CDH13: variants seen among roughly 807,000 people sequenced by gnomAD.
The protein encoded by CDH13 is cadherin-13.
Under a neutral mutation model 63.8 loss-of-function variants are expected in CDH13, and 24 were observed. That is an observed-to-expected ratio of 0.38 (90% CI 0.27 to 0.53). CDH13 has a LOEUF of 0.53. CDH13 is among the 20% of genes least tolerant of loss of function. The pLI, the probability that CDH13 is intolerant of heterozygous loss-of-function variation, is 0.85. For synonymous variants in CDH13, 503 were observed against 355.3 expected (o/e 1.42, Z -4.67); for missense variants, 1,049 against 903.1 (o/e 1.16, Z -2.07).
intron 4 of CDH13, among the ~76,000 whole-genome samples, chr16:83,144,415 G>C (rs1454850227): frequency 6.6e-6 from 1 of 152,220 alleles, no homozygotes; most frequent in Non-Finnish European, 1.5e-5. Flanking sequence ...ATAAGAAGCA[G>C]TAGTCCATTC....
chr16:83,260,683 A>C (rs752904009), intron 5 of CDH13, among the ~76,000 whole-genome samples: 2 of 152,150 alleles, frequency 1.3e-5, no homozygotes, highest in African/African-American at 2.4e-5. Flanking sequence ...GCAAAGTTGG[A>C]ACCTTGTGTT....
chr16:82,648,797 A>T (rs1051936811), intron 1 of CDH13, among the ~76,000 whole-genome samples: 1 of 152,320 alleles, frequency 6.6e-6, no homozygotes, highest in South Asian at 2.1e-4. Context: ...AGGTGGTAAG[A>T]CCCAGTGAAA....
At chr16:83,034,487 A>G (rs1916669358) in intron 3 of CDH13, among the ~76,000 whole-genome samples, 1 of 152,234 alleles carries the variant, frequency 6.6e-6, no homozygotes, top group Non-Finnish European at 1.5e-5. Context: ...TTACTTAGCC[A>G]TGACCAATGG....
At chr16:83,774,608 A>G (rs984921600) in intron 11 of CDH13, among the ~76,000 whole-genome samples, 1 of 152,218 alleles carries the variant, frequency 6.6e-6, no homozygotes, top group African/African-American at 2.4e-5. Context: ...TCCTGACCTC[A>G]AGTGATCTGC....
chr16:83,507,558 A>G (rs1296735099), intron 7 of CDH13, among the ~76,000 whole-genome samples: 1 of 152,232 alleles, frequency 6.6e-6, no homozygotes. Flanking sequence ...TAAAGAGCCC[A>G]GGAAACGTTT....
At chr16:83,041,598 T>C (rs1362353154) in intron 3 of CDH13, among the ~76,000 whole-genome samples, 2 of 152,234 alleles carry the variant, frequency 1.3e-5, no homozygotes, top group African/African-American at 2.4e-5. Flanking sequence ...AATTATTTGG[T>C]AAGTACCTTG....
intron 1 of CDH13, among the ~76,000 whole-genome samples, chr16:82,850,066 G>C (rs1412077944): frequency 6.6e-6 from 1 of 152,168 alleles, no homozygotes; most frequent in African/African-American, 2.4e-5. Context: ...GAATCCAGAA[G>C]AAATATTGAC....
intron 2 of CDH13, among the ~76,000 whole-genome samples, chr16:82,872,465 A>T (rs2040373146): frequency 6.6e-6 from 1 of 152,236 alleles, no homozygotes; most frequent in Non-Finnish European, 1.5e-5. Context: ...AATTTAAGGT[A>T]TTAGAACTAC....
chr16:83,679,285 C>A (rs2150872026), intron 10 of CDH13, among the ~76,000 whole-genome samples: 1 of 152,262 alleles, frequency 6.6e-6, no homozygotes, highest in Middle Eastern at 3.4e-3. Flanking sequence ...AATCAGCGTG[C>A]AGATCCAAAT....
intron 8 of CDH13, among the ~76,000 whole-genome samples, chr16:83,650,727 G>A (rs953400748): frequency 2.6e-5 from 4 of 152,094 alleles, no homozygotes; most frequent in South Asian, 2.1e-4. Context: ...CATTAGTGGC[G>A]AGGTCGAAAG....
At chr16:82,851,086 G>A (rs1433122575) in intron 1 of CDH13, among the ~76,000 whole-genome samples, 1 of 152,160 alleles carries the variant, frequency 6.6e-6, no homozygotes, top group Non-Finnish European at 1.5e-5. Flanking sequence ...AGGAGAATAT[G>A]TTGGGTAGCA....
intron 2 of CDH13, among the ~76,000 whole-genome samples, chr16:82,935,348 A>G (rs2042634835): frequency 6.6e-6 from 1 of 152,124 alleles, no homozygotes; most frequent in Non-Finnish European, 1.5e-5. Flanking sequence ...CCCTCCCCCA[A>G]CACGTGGGGA....
intron 2 of CDH13, among the ~76,000 whole-genome samples, chr16:82,936,670 G>A (rs959824584): frequency 1.3e-5 from 2 of 152,156 alleles, no homozygotes; most frequent in Admixed American, 6.6e-5. Context: ...ACTTTAGATC[G>A]TAACGTTCAT....
chr16:82,934,632 G>C (rs915062354), intron 2 of CDH13, among the ~76,000 whole-genome samples: 1 of 152,080 alleles, frequency 6.6e-6, no homozygotes, highest in Admixed American at 6.5e-5. Context: ...AAACTTATAT[G>C]CTCTGCTTCC....
chr16:83,765,555 C>G (rs1235122997), intron 11 of CDH13, among the ~76,000 whole-genome samples: 1 of 112,082 alleles, frequency 8.9e-6, no homozygotes, highest in African/African-American at 3.0e-5. Context: ...TATATATATA[C>G]ACACACACAA....
At chr16:83,346,248 T>C (rs2090837377) in intron 6 of CDH13, among the ~76,000 whole-genome samples, 2 of 152,006 alleles carry the variant, frequency 1.3e-5, no homozygotes, top group African/African-American at 4.8e-5. Context: ...AGAGGGCAGG[T>C]GAAGGGAGGT....
At chr16:83,301,769 A>G (rs1597701118) in intron 5 of CDH13, among the ~76,000 whole-genome samples, 2 of 151,972 alleles carry the variant, frequency 1.3e-5, no homozygotes, top group Admixed American at 6.5e-5. Flanking sequence ...AATTTACATC[A>G]TTTCCTGTAA....
chr16:83,589,714 A>T (rs1365904732), intron 7 of CDH13, among the ~76,000 whole-genome samples: 1 of 152,158 alleles, frequency 6.6e-6, no homozygotes, highest in African/African-American at 2.4e-5. Context: ...GCATAATCAC[A>T]GGACGGACGT....
At chr16:82,705,845 A>G (rs1004340722) in intron 1 of CDH13, among the ~76,000 whole-genome samples, 1 of 152,192 alleles carries the variant, frequency 6.6e-6, no homozygotes, top group Non-Finnish European at 1.5e-5. Flanking sequence ...CTGCCAAGTG[A>G]ATTCTGACTG....
Sources: gnomAD v4.1 joint callset for allele counts (sites outside exome capture counted in the v4.1 genomes callset) on GRCh38, gnomAD v4.1.1 for gene constraint, MANE v1.5 for transcripts, NCBI Gene and HGNC (gene_info 2026-07-23, HGNC 2026-07-21) for gene names.